The following FGF14 variants were observed in gnomAD, a reference collection of about 807,000 sequenced individuals.
The protein encoded by FGF14 is fibroblast growth factor 14, also known as fibroblast growth factor homologous factor 4.
In FGF14, 5 loss-of-function variants were observed where a neutral mutation model predicts 25.5. The ratio of observed to expected loss-of-function variants is 0.20; its 90% CI spans 0.10 to 0.41. FGF14 has a LOEUF of 0.41. FGF14 is among the 10% of genes least tolerant of loss of function. The pLI is 1.00. For synonymous variants in FGF14, 138 were observed against 118.3 expected, an observed-to-expected ratio of 1.17 and a Z score of -1.08; for missense variants, 222 against 320.1, an observed-to-expected ratio of 0.69 and a Z score of 2.34.
At chr13:102,374,649 T>C (rs1479941648) in intron 1 of FGF14, among the ~76,000 whole-genome samples, 1 of 3,286 alleles carries the variant, frequency 3.0e-4, no homozygotes, top group Non-Finnish European at 6.2e-4. Flanking sequence ...ATATTTTATA[T>C]ATATATATAT....
At chr13:102,319,739 G>A (rs1410226660) in intron 1 of FGF14, among the ~76,000 whole-genome samples, 1 of 152,168 alleles carries the variant, frequency 6.6e-6, no homozygotes, top group African/African-American at 2.4e-5. Flanking sequence ...AACTCTATCA[G>A]CTTATGCTGA....
chr13:101,983,246 G>A (rs1399601575), intron 1 of FGF14, among the ~76,000 whole-genome samples: 2 of 152,068 alleles, frequency 1.3e-5, no homozygotes, highest in African/African-American at 4.8e-5. Context: ...AAGCATTCAG[G>A]ATTCCTGACA....
intron 1 of FGF14, among the ~76,000 whole-genome samples, chr13:102,155,693 A>AT (rs1566754805): frequency 6.6e-6 from 1 of 151,640 alleles, no homozygotes; most frequent in African/African-American, 2.4e-5. Flanking sequence ...AGAGACAGAA[A>AT]AACCCTTCAA....
At chr13:101,857,482 T>C (rs1456142680) in intron 3 of FGF14, among the ~76,000 whole-genome samples, 1 of 151,954 alleles carries the variant, frequency 6.6e-6, no homozygotes, top group Admixed American at 6.6e-5. Context: ...CCCTCAGAGA[T>C]CTAATATGTT....
chr13:102,284,131 C>T (rs990908061), intron 1 of FGF14, among the ~76,000 whole-genome samples: 3 of 152,134 alleles, frequency 2.0e-5, no homozygotes, highest in African/African-American at 2.4e-5. Flanking sequence ...CTTTTTCCCC[C>T]GCAAGAGAGA....
intron 1 of FGF14, among the ~76,000 whole-genome samples, chr13:101,881,762 C>T (rs2045723062): frequency 1.3e-5 from 2 of 152,184 alleles, no homozygotes. Context: ...TATGCTCTGT[C>T]TGAGGTGCTG....
chr13:102,152,079 A>G (rs1180830781), intron 1 of FGF14, among the ~76,000 whole-genome samples: 1 of 152,102 alleles, frequency 6.6e-6, no homozygotes, highest in East Asian at 1.9e-4. Context: ...CGAAGCACGG[A>G]TATTTATGGT....
At chr13:101,725,486 T>C (rs545530245) in intron 4 of FGF14, among the ~76,000 whole-genome samples, 1 of 152,070 alleles carries the variant, frequency 6.6e-6, no homozygotes, top group Non-Finnish European at 1.5e-5. Context: ...GTCAACATCA[T>C]TGAAATTACA....
At position 102,400,047 on chromosome 13, in the gene FGF14, GT is replaced by G. The variant is rs35755437; in HGVS notation, c.208+1423del. 0.059 allele frequency among the ~76,000 whole-genome samples: 8,981 copies of G among 151,996 alleles called. 407 individuals are homozygous for G. Among genetic ancestry groups the G allele is most frequent in the East Asian group, 0.18 (923 of 5,080 alleles). Reference sequence around the variant, plus strand: ...CTCAGCCTCCGCACCCACCGCCTCCGTCCCCGCCCACCCGCACCTCCTCCTC... The same window carrying G: ...CTCAGCCTCCGCACCCACCGCCTCCGCCCCGCCCACCCGCACCTCCTCCTC... On this transcript the variant is annotated intron_variant, in intron 1 of 4. Transcript: ENST00000376131. The surrounding 1 kb of genome is among the most constrained non-coding windows in gnomAD (Gnocchi z 4.3).
intron 3 of FGF14, among the ~76,000 whole-genome samples, chr13:101,790,117 C>T (rs543104386): frequency 1.7e-4 from 12 of 72,018 alleles, no homozygotes; most frequent in South Asian, 8.1e-4. Flanking sequence ...GGTTCTAATT[C>T]TAGTATTTTG....
At chr13:101,915,746 C>CACAT (rs2033405265) in intron 1 of FGF14, among the ~76,000 whole-genome samples, 1 of 152,180 alleles carries the variant, frequency 6.6e-6, no homozygotes, top group South Asian at 2.1e-4. Flanking sequence ...TTAAAACTGA[C>CACAT]ACATATTAGG....
At chr13:101,919,143 G>A (rs1170009792), upstream of FGF14, among the ~76,000 whole-genome samples, 2 of 152,138 alleles carry the variant, frequency 1.3e-5, no homozygotes, top group African/African-American at 4.8e-5. Context: ...TGGCTATTGA[G>A]TGTGTCTGTT....
chr13:102,243,156 G>A (rs906095469), intron 1 of FGF14, among the ~76,000 whole-genome samples: 6 of 152,194 alleles, frequency 3.9e-5, no homozygotes, highest in African/African-American at 1.4e-4. Context: ...AATATGCTGG[G>A]TCTCTGAATA....
intron 1 of FGF14, among the ~76,000 whole-genome samples, chr13:102,339,657 T>C (rs768079509): frequency 1.3e-5 from 2 of 152,184 alleles, no homozygotes; most frequent in Non-Finnish European, 2.9e-5. Flanking sequence ...ACAATTTTCA[T>C]TCTATAAGTC....
intron 1 of FGF14, chr13:102,373,626 GTTGT>G (rs999419177): frequency 1.3e-5 from 2 of 152,128 alleles, no homozygotes; most frequent in Admixed American, 1.3e-4. Context: ...ACTCTTCAGT[GTTGT>G]TTATCAACAG....
chr13:101,767,083 A>G (rs2038452323), intron 3 of FGF14, among the ~76,000 whole-genome samples: 1 of 152,234 alleles, frequency 6.6e-6, no homozygotes, highest in African/African-American at 2.4e-5. Context: ...ATAACAATAA[A>G]ATAAAAGCTC....
At chr13:102,135,386 A>G (rs1371836119) in intron 1 of FGF14, among the ~76,000 whole-genome samples, 1 of 152,216 alleles carries the variant, frequency 6.6e-6, no homozygotes, top group Non-Finnish European at 1.5e-5. Context: ...TTGCACCATG[A>G]GAAAGCTCAG....
chr13:102,266,877 T>C (rs1283011215), intron 1 of FGF14, among the ~76,000 whole-genome samples: 3 of 151,974 alleles, frequency 2.0e-5, no homozygotes, highest in South Asian at 2.1e-4. Context: ...GGAATAAACA[T>C]ATAAACTCAC....
chr13:102,059,837 C>G lies in FGF14; in HGVS notation c.209-184541G>C, dbSNP rs562745067. The stretch of plus-strand genomic sequence containing the variant: ...TTGCACTCCAGCCTGGGTGACAGAG[C>G]GAGACTCCATCTCAAAAAAACAAAA... On this transcript the variant is annotated intron_variant, in intron 1 of 4. Transcript: ENST00000376131. 2.0e-5 allele frequency among the ~76,000 whole-genome samples: 3 copies of G among 148,130 alleles called. No individual in the cohort carries two copies. In the South Asian group the frequency reaches 6.4e-4, roughly 32 times the overall value.
Sources: allele counts gnomAD v4.1 joint callset (sites outside exome capture counted in the v4.1 genomes callset), GRCh38; gene constraint gnomAD v4.1.1; non-coding constraint Gnocchi (gnomAD v3.1); transcripts MANE v1.5; gene names NCBI Gene and HGNC (gene_info 2026-07-23, HGNC 2026-07-21).